The following LCORL variants were observed in gnomAD, a reference collection of about 807,000 sequenced individuals.
The protein encoded by LCORL is ligand-dependent nuclear receptor corepressor-like protein.
LCORL carries 41 observed loss-of-function variants against 141.8 expected under a neutral mutation model. The observed-to-expected ratio is 0.29, with a 90% CI of 0.23 to 0.38. LCORL has a LOEUF of 0.38. Ranked by LOEUF, LCORL falls within the 10% of genes least tolerant of loss-of-function variation. The pLI, the probability that LCORL is intolerant of heterozygous loss-of-function variation, is 1.00. For missense variants in LCORL, 1,759 were observed against 2,035.0 expected (o/e 0.86, Z 2.61); for synonymous variants, 618 against 694.1 (o/e 0.89, Z 1.72).
At chr4:17,849,660 C>T (rs1723388197) in intron 7 of LCORL, among the ~76,000 whole-genome samples, 1 of 152,194 alleles carries the variant, frequency 6.6e-6, no homozygotes, top group South Asian at 2.1e-4. Flanking sequence ...AGCAATGGAA[C>T]AAAGCTGGAC....
At chr4:17,885,543 CACT>C (rs1164677680) in intron 6 of LCORL, among the ~76,000 whole-genome samples, 1 of 151,686 alleles carries the variant, frequency 6.6e-6, no homozygotes, top group Admixed American at 6.6e-5. Flanking sequence ...AACAGCATTT[CACT>C]ACTAATTATT....
At chr4:17,843,498 G>T in exon 8 of LCORL, 1 of 1,527,356 alleles carries the variant, frequency 6.5e-7, no homozygotes, top group Non-Finnish European at 8.9e-7. Context: ...AGTTACCCTT[G>T]TCAAAATCAG....
intron 1 of LCORL, among the ~76,000 whole-genome samples, chr4:18,019,558 G>T (rs928097344): frequency 6.6e-6 from 1 of 152,104 alleles, no homozygotes; most frequent in Non-Finnish European, 1.5e-5. Context: ...AAGGCAAAAA[G>T]ATATTCTAGT....
chr4:17,863,833 T>A (rs1051629229), intron 7 of LCORL, among the ~76,000 whole-genome samples: 1 of 152,190 alleles, frequency 6.6e-6, no homozygotes. Context: ...AATGCGATCA[T>A]GTCCTCTGCA....
chr4:17,987,275 T>G (rs1304345230), intron 1 of LCORL, among the ~76,000 whole-genome samples: 1 of 152,198 alleles, frequency 6.6e-6, no homozygotes, highest in African/African-American at 2.4e-5. Context: ...TTTCTATACA[T>G]TTGCCTTTTC....
chr4:17,851,985 TATA>T (rs970791662), intron 7 of LCORL, among the ~76,000 whole-genome samples: 1 of 152,198 alleles, frequency 6.6e-6, no homozygotes, highest in Non-Finnish European at 1.5e-5. Flanking sequence ...TGCCAATTAG[TATA>T]ATGTTTTTCT....
rs67695626 is a variant in LCORL, at chr4:17,853,049, ATTT to A, written c.5603-7151_5603-7149del. On this transcript the variant is annotated intron_variant, in intron 7 of 7. Transcript: ENST00000635767. ...TACCAGGCAGTGTGCTAAAAGCTTG[ATTT>A]TTTTTTTTTTTTTTTTTTTTAACAA... Among the ~76,000 whole-genome samples, 444 of 125,142 alleles carry A rather than the reference ATTT, an allele frequency of 3.5e-3. 1 individual carries two copies. Among genetic ancestry groups the A allele is most frequent in the Non-Finnish European group, 4.3e-3 (254 of 59,276 alleles). The allele number at this position is 125,142 out of a possible 152,430, so 82.1% of individuals were successfully genotyped here. A position where few individuals can be genotyped will look rare whatever the true frequency, so the allele number is the denominator to read the frequency against.
chr4:17,935,912 T>C (rs1736777905), intron 4 of LCORL, among the ~76,000 whole-genome samples: 1 of 152,200 alleles, frequency 6.6e-6, no homozygotes, highest in Non-Finnish European at 1.5e-5. Context: ...AAAAGCAATT[T>C]TGGAATTAAA....
intron 1 of LCORL, among the ~76,000 whole-genome samples, chr4:17,998,509 C>G (rs1452362726): frequency 6.6e-6 from 1 of 151,930 alleles, no homozygotes; most frequent in Admixed American, 6.6e-5. Context: ...TAGGCATACA[C>G]AGAGTAAGGA....
At chr4:17,980,424 A>C (rs1264521009) in intron 1 of LCORL, among the ~76,000 whole-genome samples, 2 of 152,216 alleles carry the variant, frequency 1.3e-5, no homozygotes, top group Non-Finnish European at 2.9e-5. Flanking sequence ...TCACAGCTTA[A>C]CGTAAAGACA....
intron 1 of LCORL, among the ~76,000 whole-genome samples, chr4:18,016,024 G>T (rs1423314239): frequency 6.6e-6 from 1 of 151,830 alleles, no homozygotes; most frequent in African/African-American, 2.4e-5. Context: ...TATGGCTCTA[G>T]AATAGTCTAG....
intron 4 of LCORL, among the ~76,000 whole-genome samples, chr4:17,920,980 T>A (rs962690119): frequency 6.6e-6 from 1 of 152,196 alleles, no homozygotes; most frequent in Non-Finnish European, 1.5e-5. Context: ...CTGTTAATTC[T>A]GATATTCTGA....
At chr4:17,910,828 G>GT (rs1012643172) in intron 4 of LCORL, among the ~76,000 whole-genome samples, 16 of 152,228 alleles carry the variant, frequency 1.1e-4, no homozygotes, top group Admixed American at 9.8e-4. Context: ...ACAAAACATT[G>GT]TATTACCTGT....
rs1259807320 is a variant in LCORL, at chr4:17,893,503, G to A, written c.683-7342C>T. ...TGGTAGGTCAGTGGGGCTGAGCACTGCGAGTGTGTTTTGTGCACAGGTAGA... is the reference window on the plus strand; with the variant it reads ...TGGTAGGTCAGTGGGGCTGAGCACTACGAGTGTGTTTTGTGCACAGGTAGA... On this transcript the variant is annotated intron_variant, in intron 5 of 7. Coordinates refer to ENST00000635767, the Ensembl canonical transcript of LCORL. 3.0e-6 allele frequency: 3 copies of A among 985,278 alleles called. No homozygotes were observed. In the African/African-American group the frequency reaches 5.2e-5, roughly 17 times the overall value. The allele number at this position is 985,278 out of a possible 1,614,324, so 61.0% of individuals were successfully genotyped here.
intron 4 of LCORL, among the ~76,000 whole-genome samples, chr4:17,913,870 G>A (rs1286508205): frequency 6.6e-6 from 1 of 152,164 alleles, no homozygotes; most frequent in Admixed American, 6.5e-5. Context: ...TTCCAGTATG[G>A]ACTAAATGGC....
In LCORL at chr4:17,998,985, A is replaced by AAAAAAATATAT. The variant is rs1374815646; in HGVS notation, c.154+22612_154+22613insATATATTTTTT. ...GTCTCAAAAAAAAAAAAAAAAAAAA[A>AAAAAAATATAT]ATATATATATATATATATACACACA... is the stretch of plus-strand genomic sequence containing the variant. On this transcript the variant is annotated intron_variant, in intron 1 of 7. Transcript: ENST00000635767. Among the ~76,000 whole-genome samples the AAAAAAATATAT allele has an allele frequency of 1.0e-3, 59 of 57,882 alleles. 1 individual carries two copies. Among genetic ancestry groups the AAAAAAATATAT allele is most frequent in the Non-Finnish European group, 1.7e-3 (52 of 30,182 alleles). The allele number at this position is 57,882 out of a possible 152,430, so 38.0% of individuals were successfully genotyped here. A position where few individuals can be genotyped will look rare whatever the true frequency, so the allele number is the denominator to read the frequency against.
rs1217937994 is a variant in LCORL, at chr4:17,884,728, G to C, written c.776+1340C>G. 1.3e-6 allele frequency: 2 copies of C among 1,484,908 alleles called. No homozygotes were observed. The highest frequency in any genetic ancestry group is 5.3e-5 in the Admixed American group (2 of 38,012). 92.0% of individuals were successfully genotyped at this position (1,484,908 alleles called of 1,614,324 possible). A position where few individuals can be genotyped will look rare whatever the true frequency, so the allele number is the denominator to read the frequency against. ...CAAACTCAGCACTTCTTTCCACATA[G>C]TCCTCTCTGTTTCTGTGTAGTCTCC... On this transcript the variant is annotated intron_variant, in intron 6 of 7. Transcript: ENST00000635767. The surrounding 1 kb of genome is among the most constrained non-coding windows in gnomAD (Gnocchi z 4.4).
chr4:18,018,337 T>C (rs768124983), intron 1 of LCORL, among the ~76,000 whole-genome samples: 40 of 152,262 alleles, frequency 2.6e-4, no homozygotes, highest in Non-Finnish European at 4.6e-4. Flanking sequence ...CATGAGCTAC[T>C]GAAAACTATA....
chr4:17,872,764 A>G (rs1035278599), intron 7 of LCORL, among the ~76,000 whole-genome samples: 1 of 152,178 alleles, frequency 6.6e-6, no homozygotes, highest in Non-Finnish European at 1.5e-5. Flanking sequence ...TCAATGTCTG[A>G]TATCAAAAAA....
Sources: allele counts gnomAD v4.1 joint callset (sites outside exome capture counted in the v4.1 genomes callset), GRCh38; gene constraint gnomAD v4.1.1; non-coding constraint Gnocchi (gnomAD v3.1); transcripts MANE v1.5; gene names NCBI Gene and HGNC (gene_info 2026-07-23, HGNC 2026-07-21).